The following SDR42E1 variants were observed in gnomAD, a reference collection of about 807,000 sequenced individuals.
SDR42E1 encodes the protein short-chain dehydrogenase/reductase family 42E member 1.
A neutral mutation model predicts 2.6 loss-of-function variants in SDR42E1; 5 were observed. The observed-to-expected ratio is 1.94, with a 90% CI of 1.01 to 4.08. The LOEUF (loss-of-function observed/expected upper bound fraction) is 4.08, where lower values mean the gene tolerates loss of function less well. Ranked by LOEUF, SDR42E1 falls within the 30% of genes most tolerant of loss-of-function variation. The pLI is 0.00. For missense variants in SDR42E1, 596 were observed against 478.6 expected (o/e 1.25, Z -2.29); for synonymous variants, 231 against 188.3 (o/e 1.23, Z -1.86).
In SDR42E1 at chr16:81,999,363, G is replaced by A. The variant is rs763096244; in HGVS notation, c.930C>T (p.Phe310=). 20 of 1,614,212 alleles carry A rather than the reference G, an allele frequency of 1.2e-5. No homozygotes were observed. The South Asian group carries it at 1.8e-4, about 14-fold the overall frequency. The change falls in exon 3 of 3, where the codon TTC becomes TTT. Residue 310 remains phenylalanine (F), a synonymous_variant. Transcript: ENST00000328945. ...ILGRLYNFQP[F]LTRTEVYKTG... ...TTTTGTAAACTTCAGTGCGAGTGAG[G>A]AAGGGCTGGAAGTTGTAGAGTCGAC...
Position 81,993,557 on chromosome 16 carries a change from T to C in SDR42E1, c.*5554A>G, listed in dbSNP as rs1214550738. ...TGTCACCCTTCTGGAGTCTGCATTT[T>C]TAATTTAGGCCTTGAATGTTCTTAT... On this transcript the variant is annotated 3_prime_UTR_variant, in exon 3 of 3. Transcript: ENST00000328945. 4 of 152,220 alleles carry C rather than the reference T, an allele frequency of 2.6e-5. No homozygotes were observed. Among genetic ancestry groups the C allele is most frequent in the African/African-American group, 9.6e-5 (4 of 41,458 alleles). The allele number at this position is 152,220 out of a possible 1,614,324, so 9.4% of individuals were successfully genotyped here.
intron 1 of SDR42E1, chr16:82,007,830 T>TGACCC (rs1912992264): frequency 1.3e-5 from 2 of 152,234 alleles, no homozygotes; most frequent in African/African-American, 4.8e-5. Context: ...ATTCCCTGTG[T>TGACCC]TACCCTAGGC....
chr16:82,009,003 C>T (rs1913039343), intron 1 of SDR42E1, among the ~76,000 whole-genome samples: 1 of 152,200 alleles, frequency 6.6e-6, no homozygotes, highest in African/African-American at 2.4e-5. Context: ...AGGTACAGCT[C>T]AAACTGGGGC....
At chr16:82,008,943 G>C (rs1015434784) in intron 1 of SDR42E1, among the ~76,000 whole-genome samples, 1 of 152,204 alleles carries the variant, frequency 6.6e-6, no homozygotes, top group East Asian at 1.9e-4. Flanking sequence ...GCAGCCTAGG[G>C]ACTTGGTGCT....
chr16:82,006,442 G>T (rs1912936830), intron 1 of SDR42E1, among the ~76,000 whole-genome samples: 1 of 152,168 alleles, frequency 6.6e-6, no homozygotes, highest in Admixed American at 6.5e-5. Flanking sequence ...AAATAAATAT[G>T]CAGTTAGAGG....
intron 1 of SDR42E1, among the ~76,000 whole-genome samples, chr16:82,009,279 G>A (rs1003415293): frequency 5.3e-5 from 8 of 152,158 alleles, no homozygotes; most frequent in Non-Finnish European, 1.2e-4. Flanking sequence ...TGTGAGAAGA[G>A]AGCTACCATC....
Position 81,998,954 on chromosome 16 carries a change from G to A in SDR42E1, c.*157C>T, listed in dbSNP as rs985336710. 1 of 746,258 alleles carries A rather than the reference G, an allele frequency of 1.3e-6. No individual in the cohort carries two copies. 46.2% of individuals were successfully genotyped at this position (746,258 alleles called of 1,614,324 possible). ...TTCATTCCCATCTGGATTAGTGCAA[G>A]GAAATAAGACATAAAGATTCAATCC... On this transcript the variant is annotated 3_prime_UTR_variant, in exon 3 of 3. Coordinates refer to ENST00000328945, the MANE Select transcript of SDR42E1 (RefSeq NM_145168.3).
rs556656366 is a variant in SDR42E1 at position 81,994,949 on chromosome 16, C to G, written c.*4162G>C. 1 of 152,266 alleles carries G rather than the reference C, an allele frequency of 6.6e-6. No individual in the cohort carries two copies. Among genetic ancestry groups the G allele is most frequent in the South Asian group, 2.1e-4 (1 of 4,814 alleles). The allele number at this position is 152,266 out of a possible 1,614,324, so 9.4% of individuals were successfully genotyped here. ...ACACCACAGCATAGGTAATTTGGTG[C>G]CAGAATGAGTTATTTGACCCTCCAC... is the stretch of plus-strand genomic sequence containing the variant. On this transcript the variant is annotated 3_prime_UTR_variant, in exon 3 of 3. Coordinates refer to ENST00000328945, the MANE Select transcript of SDR42E1 (RefSeq NM_145168.3).
chr16:82,001,973 C>CAA (rs1912781482), intron 1 of SDR42E1, among the ~76,000 whole-genome samples: 2 of 150,428 alleles, frequency 1.3e-5, no homozygotes, highest in South Asian at 4.2e-4. Flanking sequence ...CACACACACA[C>CAA]ACACACACAC....
At position 81,999,349 on chromosome 16, in the gene SDR42E1, T is replaced by A; in HGVS notation, c.944A>T (p.Glu315Val). ...ATGTGTGACACCAGTTTTGTAAACT[T>A]CAGTGCGAGTGAGGAAGGGCTGGAA... ...YNFQPFLTRT[E>V]VYKTGVTHYF... The change falls in exon 3 of 3, where the codon GAA becomes GTA. Residue 315 changes from glutamate to valine, a missense_variant. By Grantham distance (121) the Glu-to-Val change is moderately radical. Coordinates refer to ENST00000328945, the MANE Select transcript of SDR42E1 (RefSeq NM_145168.3). 1.2e-6 allele frequency: 2 copies of A among 1,614,184 alleles called. No individual in the cohort carries two copies. Among genetic ancestry groups the A allele is most frequent in the East Asian group, 4.5e-5 (2 of 44,888 alleles).
intron 1 of SDR42E1, among the ~76,000 whole-genome samples, chr16:82,005,760 G>A (rs1438131413): frequency 6.6e-6 from 1 of 152,146 alleles, no homozygotes; most frequent in Non-Finnish European, 1.5e-5. Flanking sequence ...CCCTGGTGGG[G>A]AGGGCTACAT....
intron 1 of SDR42E1, among the ~76,000 whole-genome samples, chr16:82,003,000 C>A (rs1358764157): frequency 6.6e-6 from 1 of 152,178 alleles, no homozygotes; most frequent in East Asian, 1.9e-4. Context: ...TTTGTAAGTT[C>A]TTCTGAATAC....
chr16:81,998,304 G>C lies in SDR42E1; in HGVS notation c.*807C>G, dbSNP rs1912597998. On this transcript the variant is annotated 3_prime_UTR_variant, in exon 3 of 3. Transcript: ENST00000328945. ...CTTAGAGGCCTAAACTTTACAAATA[G>C]AGTATATCCAAATACACTTGTTGCA... 1 of 152,162 alleles carries C rather than the reference G, an allele frequency of 6.6e-6. No homozygotes were observed. The allele number at this position is 152,162 out of a possible 1,614,324, so 9.4% of individuals were successfully genotyped here. A position where few individuals can be genotyped will look rare whatever the true frequency, so the allele number is the denominator to read the frequency against.
rs1912391938 is a variant in SDR42E1, at chr16:81,990,002, C to G, written c.*9109G>C. The G allele has an allele frequency of 1.3e-5, 2 of 152,396 alleles. No individual in the cohort carries two copies. The highest frequency in any genetic ancestry group is 4.8e-5 in the African/African-American group (2 of 41,384). The allele number at this position is 152,396 out of a possible 1,614,324, so 9.4% of individuals were successfully genotyped here. On this transcript the variant is annotated 3_prime_UTR_variant, in exon 3 of 3. Transcript: ENST00000328945. The stretch of plus-strand genomic sequence containing the variant: ...CACAAGACCAAAACTCCGTCTGAAA[C>G]AGACAAACAAACAAAAAAAACATGG...
chr16:82,007,518 G>A (rs912426546), intron 1 of SDR42E1: 1 of 152,310 alleles, frequency 6.6e-6, no homozygotes, highest in South Asian at 2.1e-4. Context: ...AAGTCCTACA[G>A]CTAGCAAATG....
rs201104940 is a variant in SDR42E1, at chr16:81,999,515, C to G, written c.778G>C (p.Val260Leu). The G allele has an allele frequency of 1.2e-5, 19 of 1,614,152 alleles. No homozygotes were observed. Among genetic ancestry groups the G allele is most frequent in the South Asian group, 2.2e-5 (2 of 91,086 alleles). The change falls in exon 3 of 3, where the codon GTG becomes CTG. Residue 260 changes from valine (V) to leucine (L), a missense_variant. Val to Leu is a conservative substitution (Grantham distance 32). Coordinates refer to ENST00000328945, the MANE Select transcript of SDR42E1 (RefSeq NM_145168.3). ...GGCCGGAAGAACTCAAAGTTGTTCACGGGTCTGCCATCTGAGATGAAGTAG... is the reference window on the plus strand; with the variant it reads ...GGCCGGAAGAACTCAAAGTTGTTCAGGGGTCTGCCATCTGAGATGAAGTAG... ...QPYFISDGRP[V>L]NNFEFFRPLV...
At position 81,998,663 on chromosome 16, in the gene SDR42E1, C is replaced by G. The variant is rs868746224; in HGVS notation, c.*448G>C. 2 of 168,684 alleles carry G rather than the reference C, an allele frequency of 1.2e-5. No homozygotes were observed. Among genetic ancestry groups the G allele is most frequent in the Admixed American group, 5.7e-5 (1 of 17,574 alleles). The allele number at this position is 168,684 out of a possible 1,614,324, so 10.4% of individuals were successfully genotyped here. A position where few individuals can be genotyped will look rare whatever the true frequency, so the allele number is the denominator to read the frequency against. On this transcript the variant is annotated 3_prime_UTR_variant, in exon 3 of 3. Coordinates refer to ENST00000328945, the MANE Select transcript of SDR42E1 (RefSeq NM_145168.3). ...AGCCACCATCCCCTCGAGGATTGCT[C>G]TGTTAGGGATCTGGGCCAATTTGGT...
In SDR42E1 at chr16:81,999,122, G is replaced by A. The variant is rs1478095730; in HGVS notation, c.1171C>T (p.Leu391=). The change falls in exon 3 of 3, where the codon CTG becomes TTG. Residue 391 remains leucine (L), a synonymous_variant. Transcript: ENST00000328945. ...VLMWLPSSVI[L]SL ...TTCTGGCCCCTCCTTCACAGTGACA[G>A]AATCACAGAAGAAGGCAGCCACATG... 3 of 1,613,528 alleles carry A rather than the reference G, an allele frequency of 1.9e-6. No homozygotes were observed. Among genetic ancestry groups the A allele is most frequent in the Middle Eastern group, 1.7e-4 (1 of 6,056 alleles).
At chr16:82,006,074 T>C (rs1040285592) in intron 1 of SDR42E1, among the ~76,000 whole-genome samples, 2 of 152,218 alleles carry the variant, frequency 1.3e-5, no homozygotes, top group African/African-American at 4.8e-5. Context: ...GAGTTCAAGA[T>C]GACTGTGCTA....
Sources: allele counts gnomAD v4.1 joint callset (sites outside exome capture counted in the v4.1 genomes callset), GRCh38; gene constraint gnomAD v4.1.1; transcripts MANE v1.5; gene names NCBI Gene and HGNC (gene_info 2026-07-23, HGNC 2026-07-21).